Variants in NCKAP5 observed in about 807,000 individuals in gnomAD.
NCKAP5 encodes the protein NCK associated protein 5.
A neutral mutation model predicts 167.0 loss-of-function variants in NCKAP5; 92 were observed. The ratio of observed to expected loss-of-function variants is 0.55; its 90% CI spans 0.47 to 0.66. NCKAP5 has a LOEUF of 0.66. Ranked by LOEUF, NCKAP5 falls within the 30% of genes least tolerant of loss-of-function variation. The pLI is 0.00. For missense variants in NCKAP5, 2,378 were observed against 2,315.0 expected (o/e 1.03, Z -0.56); for synonymous variants, 891 against 877.4 (o/e 1.02, Z -0.27).
Position 132,690,429 on chromosome 2 carries a change from G to A in NCKAP5, c.5714-17124C>T, listed in dbSNP as rs138903405. Reference sequence around the variant, plus strand: ...GTTTTTATTCACCTTTCTTAAGTACGTGTACAGTTCACATGTGTTTCAATG... The same window carrying A: ...GTTTTTATTCACCTTTCTTAAGTACATGTACAGTTCACATGTGTTTCAATG... On this transcript the variant is annotated intron_variant, in intron 19 of 19. Coordinates refer to ENST00000409261, the MANE Select transcript of NCKAP5 (RefSeq NM_207363.3). Among the ~76,000 whole-genome samples the A allele has an allele frequency of 4.5e-3, 684 of 152,294 alleles. 1 individual carries two copies. The highest frequency in any genetic ancestry group is 9.5e-3 in the Admixed American group (145 of 15,298).
chr2:133,594,015 C>T, the NCKAP5 span, among the ~76,000 whole-genome samples: 28 of 152,354 alleles, frequency 1.8e-4, no homozygotes, highest in Middle Eastern at 3.4e-3. Flanking sequence ...GATAAATACA[C>T]GCTGTACTTT....
intron 6 of NCKAP5, among the ~76,000 whole-genome samples, chr2:133,037,980 G>A (rs541180876): frequency 1.4e-4 from 22 of 152,210 alleles, no homozygotes; most frequent in Non-Finnish European, 3.2e-4. Context: ...ACGCTGGTGA[G>A]GATGTCAACA....
At chr2:133,656,293 T>C in the NCKAP5 span, among the ~76,000 whole-genome samples, 1 of 151,998 alleles carries the variant, frequency 6.6e-6, no homozygotes, top group East Asian at 1.9e-4. Context: ...AAAAACCATC[T>C]TTTGAGGAGA....
intron 4 of NCKAP5, among the ~76,000 whole-genome samples, chr2:133,245,836 C>A (rs900628592): frequency 6.0e-5 from 9 of 150,614 alleles, no homozygotes; most frequent in Admixed American, 1.3e-4. Context: ...TGAAAAAATT[C>A]CCCCTGCTCT....
intron 19 of NCKAP5, among the ~76,000 whole-genome samples, chr2:132,701,523 ACTGCTGCTGCTG>A (rs142983300): frequency 6.6e-6 from 1 of 151,558 alleles, no homozygotes; most frequent in African/African-American, 2.4e-5. Context: ...TACATCAGAT[ACTGCTGCTGCTG>A]CTGCTGCTGC....
At chr2:133,363,356 T>A (rs2150877648) in intron 3 of NCKAP5, among the ~76,000 whole-genome samples, 1 of 152,290 alleles carries the variant, frequency 6.6e-6, no homozygotes, top group Middle Eastern at 3.4e-3. Context: ...TGGCTGCATT[T>A]GTCATTCAGT....
At chr2:133,353,672 G>A (rs1404831330) in intron 3 of NCKAP5, among the ~76,000 whole-genome samples, 1 of 152,116 alleles carries the variant, frequency 6.6e-6, no homozygotes, top group African/African-American at 2.4e-5. Context: ...CAGATGAGGT[G>A]GTGAGAAAAG....
intron 3 of NCKAP5, among the ~76,000 whole-genome samples, chr2:133,340,364 T>C (rs1683490736): frequency 6.6e-6 from 1 of 152,204 alleles, no homozygotes; most frequent in African/African-American, 2.4e-5. Context: ...TCAAAGGTCC[T>C]TTCCTCTGGC....
At chr2:133,647,587 TAGAG>T in the NCKAP5 span, among the ~76,000 whole-genome samples, 1 of 103,454 alleles carries the variant, frequency 9.7e-6, no homozygotes, top group South Asian at 3.0e-4. Flanking sequence ...GAGACAGATA[TAGAG>T]AGGGAGAGAG....
intron 11 of NCKAP5, among the ~76,000 whole-genome samples, chr2:132,804,239 T>C (rs1385271304): frequency 6.6e-6 from 1 of 152,156 alleles, no homozygotes; most frequent in Non-Finnish European, 1.5e-5. Flanking sequence ...AGCCTGACTC[T>C]CTGAAGCTTC....
chr2:133,011,681 C>CACATCAATACAGCACATCAATACA (rs2078165825), intron 6 of NCKAP5, among the ~76,000 whole-genome samples: 1 of 152,218 alleles, frequency 6.6e-6, no homozygotes, highest in African/African-American at 2.4e-5. Context: ...AGTTAATAAG[C>CACATCAATACAGCACATCAATACA]ATGGCTATTT....
At chr2:133,140,765 G>A (rs1356233362) in intron 5 of NCKAP5, among the ~76,000 whole-genome samples, 1 of 148,388 alleles carries the variant, frequency 6.7e-6, no homozygotes, top group Non-Finnish European at 1.5e-5. Flanking sequence ...TTATATATAA[G>A]TAAGCTTGTT....
rs76894622 is a variant in NCKAP5, at chr2:133,326,031, C to T, written c.70-22921G>A. Among the ~76,000 whole-genome samples, 1,431 of 152,342 alleles carry T rather than the reference C, an allele frequency of 9.4e-3. 17 individuals are homozygous for T. The highest frequency in any genetic ancestry group is 0.032 in the African/African-American group (1,348 of 41,582). ...CCAATAATGATGCTGTCTTTCAGCA[C>T]TTCTTGTTAATACGTAACTAGAATC... is the stretch of plus-strand genomic sequence containing the variant. On this transcript the variant is annotated intron_variant, in intron 3 of 19. Transcript: ENST00000409261.
Position 132,784,078 on chromosome 2 carries a change from C to T in NCKAP5, c.2733G>A (p.Thr911=), listed in dbSNP as rs184979029. ...GCCCAGAGCCACAGTGTTCATCCCTCGTGGGGGGCTCTCCACTGTCACTAG... is the reference window on the plus strand; with the variant it reads ...GCCCAGAGCCACAGTGTTCATCCCTTGTGGGGGGCTCTCCACTGTCACTAG... ...IESSDSGEPP[T]RDEHCGSGPE... is the part of the protein sequence containing the mutation. Residue 911 remains threonine (T), a synonymous_variant, in exon 14 of 20, where the codon ACG becomes ACA. Transcript: ENST00000409261. 2.0e-3 allele frequency: 3,089 copies of T among 1,521,724 alleles called. 16 individuals carry two copies. The highest frequency in any genetic ancestry group is 0.01 in the South Asian group (761 of 75,370). 94.3% of individuals were successfully genotyped at this position (1,521,724 alleles called of 1,614,324 possible).
At chr2:133,195,246 C>T (rs958558537) in intron 5 of NCKAP5, among the ~76,000 whole-genome samples, 1 of 152,084 alleles carries the variant, frequency 6.6e-6, no homozygotes, top group Admixed American at 6.6e-5. Context: ...TTAGGTTCTT[C>T]TAAAAAGTGT....
intron 11 of NCKAP5, among the ~76,000 whole-genome samples, chr2:132,840,276 A>C (rs866281978): frequency 1.5e-5 from 2 of 135,216 alleles, no homozygotes; most frequent in African/African-American, 5.3e-5. Flanking sequence ...ATTGCACAGC[A>C]TTTTTTTTTT....
intron 5 of NCKAP5, among the ~76,000 whole-genome samples, chr2:133,172,479 C>A (rs1014061278): frequency 2.0e-5 from 3 of 152,198 alleles, no homozygotes; most frequent in African/African-American, 4.8e-5. Flanking sequence ...TTTATCATAT[C>A]TGTTTTTTTG....
At chr2:133,041,281 T>C (rs183064506) in intron 6 of NCKAP5, among the ~76,000 whole-genome samples, 1 of 152,218 alleles carries the variant, frequency 6.6e-6, no homozygotes, top group African/African-American at 2.4e-5. Context: ...TTTCACATAC[T>C]TGACCTGGAA....
intron 19 of NCKAP5, among the ~76,000 whole-genome samples, chr2:132,679,712 G>A (rs967510139): frequency 5.3e-5 from 8 of 152,122 alleles, no homozygotes; most frequent in African/African-American, 1.9e-4. Context: ...TTTAATCAAG[G>A]GTTTTGGGCT....
Sources: gnomAD v4.1 joint callset for allele counts (sites outside exome capture counted in the v4.1 genomes callset) on GRCh38, gnomAD v4.1.1 for gene constraint, MANE v1.5 for transcripts, NCBI Gene and HGNC (gene_info 2026-07-23, HGNC 2026-07-21) for gene names.